Variants in MOCOS observed in about 807,000 individuals in gnomAD.
The protein encoded by MOCOS is human molybdenum cofactor sulfurase.
A neutral mutation model predicts 83.6 loss-of-function variants in MOCOS; 86 were observed. That is an observed-to-expected ratio of 1.03 (90% CI 0.86 to 1.23). The LOEUF (loss-of-function observed/expected upper bound fraction) is 1.23, where lower values mean the gene tolerates loss of function less well. Among genes scored for constraint, MOCOS ranks in the 50% most tolerant of loss-of-function variants. The pLI is 0.00. For missense variants in MOCOS, 1,120 were observed against 1,126.9 expected (o/e 0.99, Z 0.09); for synonymous variants, 445 against 434.7 (o/e 1.02, Z -0.29).
chr18:36,232,855 T>TACACAC (rs71168208), intron 9 of MOCOS, among the ~76,000 whole-genome samples: 14,382 of 147,770 alleles, frequency 0.097, 888 homozygotes, highest in Middle Eastern at 0.15. Context: ...AATATTCCAT[T>TACACAC]ACACACACAC....
At position 36,248,657 on chromosome 18, in the gene MOCOS, A is replaced by G. The variant is rs192567894; in HGVS notation, c.1961-265A>G. ...GGGGTCTAGTTTTCTTCTTCTGCAT[A>G]TGGTTATCTAGTTTTCCCAGCATCA... On this transcript the variant is annotated intron_variant, in intron 9 of 14. Coordinates refer to ENST00000261326, the MANE Select transcript of MOCOS (RefSeq NM_017947.4). Among the ~76,000 whole-genome samples the G allele has an allele frequency of 3.9e-5, 6 of 152,304 alleles. No homozygotes were observed. The East Asian group carries it at 9.6e-4, about 24-fold the overall frequency.
At chr18:36,253,066 G>C (rs1256420469) in intron 11 of MOCOS, among the ~76,000 whole-genome samples, 4 of 152,164 alleles carry the variant, frequency 2.6e-5, no homozygotes, top group African/African-American at 9.7e-5. Flanking sequence ...AGTAGGATTT[G>C]TCAGGACCTG....
chr18:36,229,267 G>C (rs2091529197), intron 9 of MOCOS, among the ~76,000 whole-genome samples: 1 of 151,864 alleles, frequency 6.6e-6, no homozygotes, highest in African/African-American at 2.4e-5. Context: ...AATTTTCTCA[G>C]CTTTTTCTTG....
chr18:36,200,340 G>T lies in MOCOS; in HGVS notation c.941+16G>T. On this transcript the variant is annotated intron_variant, in intron 4 of 14. Coordinates refer to ENST00000261326, the MANE Select transcript of MOCOS (RefSeq NM_017947.4). ...TAGCTCAGAGGTAACCTTGCCACAGGGGAGGGGTCAGAGGAGTTCAGCAAG... is the reference window on the plus strand; with the variant it reads ...TAGCTCAGAGGTAACCTTGCCACAGTGGAGGGGTCAGAGGAGTTCAGCAAG... 6.2e-7 allele frequency: 1 copy of T among 1,613,732 alleles called. No individual in the cohort carries two copies. The highest frequency in any genetic ancestry group is 1.1e-5 in the South Asian group (1 of 91,024).
chr18:36,254,456 C>CTGTGTG (rs1317544285), intron 11 of MOCOS, among the ~76,000 whole-genome samples: 1 of 90,060 alleles, frequency 1.1e-5, no homozygotes, highest in African/African-American at 5.0e-5. Flanking sequence ...AATACATTAT[C>CTGTGTG]TCTGTGTGTG....
At chr18:36,197,357 G>A (rs528358588) in intron 2 of MOCOS, among the ~76,000 whole-genome samples, 2 of 152,242 alleles carry the variant, frequency 1.3e-5, no homozygotes, top group African/African-American at 4.8e-5. Flanking sequence ...TCTGGAACAT[G>A]TAGAACAGAC....
At chr18:36,266,713 T>C (rs2091683107) in intron 13 of MOCOS, 36 bp from the exon 14 acceptor site, 1 of 1,577,618 alleles carries the variant, frequency 6.3e-7, no homozygotes, top group African/African-American at 1.3e-5. Flanking sequence ...CTGGTCACTT[T>C]TGTGGCAACG....
At position 36,187,504 on chromosome 18, in the gene MOCOS, C is replaced by A. The variant is rs1482240481; in HGVS notation, c.-36C>A. The A allele has an allele frequency of 3.3e-6, 4 of 1,227,718 alleles. No homozygotes were observed. Among genetic ancestry groups the A allele is most frequent in the Non-Finnish European group, 4.1e-6 (4 of 984,910 alleles). 76.1% of individuals were successfully genotyped at this position (1,227,718 alleles called of 1,614,324 possible). A position where few individuals can be genotyped will look rare whatever the true frequency, so the allele number is the denominator to read the frequency against. On this transcript the variant is annotated 5_prime_UTR_variant, in exon 1 of 15. Transcript: ENST00000261326. Reference sequence around the variant, plus strand: ...GCCGGGGGCCGGCTTCGCGCACTTCCCGGGCCCGGCCGGCCTGGATGGACT... The same window carrying A: ...GCCGGGGGCCGGCTTCGCGCACTTCACGGGCCCGGCCGGCCTGGATGGACT...
chr18:36,226,773 C>T (rs1247955719), intron 9 of MOCOS, among the ~76,000 whole-genome samples: 3 of 149,256 alleles, frequency 2.0e-5, no homozygotes, highest in African/African-American at 4.9e-5. Flanking sequence ...AGAGTTATAA[C>T]GGTCTATTTT....
At chr18:36,206,996 C>T (rs2091437347) in intron 6 of MOCOS, among the ~76,000 whole-genome samples, 1 of 152,070 alleles carries the variant, frequency 6.6e-6, no homozygotes, top group African/African-American at 2.4e-5. Context: ...TGGGTATATA[C>T]CAGTAATTTA....
intron 13 of MOCOS, among the ~76,000 whole-genome samples, chr18:36,260,469 T>A (rs1025416502): frequency 2.6e-5 from 4 of 152,196 alleles, no homozygotes; most frequent in African/African-American, 9.6e-5. Flanking sequence ...TCTGGTTTTT[T>A]GGAATGCTTG....
At chr18:36,200,387 C>T (rs2144901721) in intron 4 of MOCOS, 63 bp downstream of exon 4, 1 of 1,592,994 alleles carries the variant, frequency 6.3e-7, no homozygotes, top group Non-Finnish European at 8.6e-7. Context: ...CCTGTTTCTC[C>T]TGGAGGATTA....
intron 9 of MOCOS, among the ~76,000 whole-genome samples, chr18:36,239,274 A>G (rs200389489): frequency 0.067 from 10,037 of 150,456 alleles, 383 homozygotes; most frequent in Admixed American, 0.11. Flanking sequence ...GGCTGGTACC[A>G]GTTTTTCCTT....
chr18:36,258,406 A>G (rs1377606533), intron 12 of MOCOS, among the ~76,000 whole-genome samples: 3 of 152,194 alleles, frequency 2.0e-5, no homozygotes, highest in African/African-American at 7.2e-5. Context: ...TATAACCCAG[A>G]GAGTTGATCC....
In MOCOS at chr18:36,269,649, T is replaced by G. The variant is rs1172914765; in HGVS notation, c.*964T>G. On this transcript the variant is annotated 3_prime_UTR_variant, in exon 15 of 15. Coordinates refer to ENST00000261326, the MANE Select transcript of MOCOS (RefSeq NM_017947.4). ...TCTGCATGACTTCCAGCCTGGGGTC[T>G]TACCCTGTCCTCTGGAGCAATGCAG... The G allele has an allele frequency of 6.6e-6, 1 of 152,298 alleles. No individual in the cohort carries two copies. The highest frequency in any genetic ancestry group is 1.5e-5 in the Non-Finnish European group (1 of 68,102). 9.4% of individuals were successfully genotyped at this position (152,298 alleles called of 1,614,324 possible).
chr18:36,201,174 G>C (rs1171064907), intron 4 of MOCOS, among the ~76,000 whole-genome samples: 6 of 152,170 alleles, frequency 3.9e-5, no homozygotes, highest in Non-Finnish European at 8.8e-5. Context: ...TAGACGGGAA[G>C]GGCTTTAGAT....
Position 36,195,408 on chromosome 18 carries a change from G to A in MOCOS, c.232+62G>A, listed in dbSNP as rs2298601. On this transcript the variant is annotated intron_variant, in intron 2 of 14. Transcript: ENST00000261326. ...ACATGCAGCTGATATACCTGTGCATGTTAAACGCTGGATTAATAGGCCAGG... is the reference window on the plus strand; with the variant it reads ...ACATGCAGCTGATATACCTGTGCATATTAAACGCTGGATTAATAGGCCAGG... 0.14 allele frequency: 189,521 copies of A among 1,382,770 alleles called. 14,499 individuals carry two copies. Among genetic ancestry groups the A allele is most frequent in the East Asian group, 0.3 (13,323 of 43,682 alleles). 85.7% of individuals were successfully genotyped at this position (1,382,770 alleles called of 1,614,324 possible).
At chr18:36,229,215 ACTTT>A (rs1247942532) in intron 9 of MOCOS, among the ~76,000 whole-genome samples, 2 of 151,876 alleles carry the variant, frequency 1.3e-5, no homozygotes, top group East Asian at 1.9e-4. Flanking sequence ...CACTTGAGGA[ACTTT>A]CTTTTGCATT....
At chr18:36,235,945 G>A (rs1367778712) in intron 9 of MOCOS, among the ~76,000 whole-genome samples, 1 of 151,854 alleles carries the variant, frequency 6.6e-6, no homozygotes, top group Non-Finnish European at 1.5e-5. Flanking sequence ...AGACGTGTCT[G>A]TTCATGTCCT....
Sources: allele counts gnomAD v4.1 joint callset (sites outside exome capture counted in the v4.1 genomes callset), GRCh38; gene constraint gnomAD v4.1.1; transcripts MANE v1.5; gene names NCBI Gene and HGNC (gene_info 2026-07-23, HGNC 2026-07-21).